RNF144A: variants seen among roughly 807,000 people sequenced by gnomAD.
RNF144A encodes E3 ubiquitin-protein ligase RNF144A.
Under a neutral mutation model 38.7 loss-of-function variants are expected in RNF144A, and 11 were observed. The observed-to-expected ratio is 0.28, with a 90% CI of 0.18 to 0.47. RNF144A has a LOEUF of 0.47. Ranked by LOEUF, RNF144A falls within the 20% of genes least tolerant of loss-of-function variation. The probability of loss-of-function intolerance (pLI) is 0.99; values close to 1 mark genes in which losing one functional copy is unlikely to be tolerated. For missense variants in RNF144A, 316 were observed against 377.2 expected, an observed-to-expected ratio of 0.84 and a Z score of 1.34; for synonymous variants, 149 against 143.9, an observed-to-expected ratio of 1.04 and a Z score of -0.25.
chr2:6,936,105 T>C (rs1192928090), intron 1 of RNF144A, among the ~76,000 whole-genome samples: 1 of 152,220 alleles, frequency 6.6e-6, no homozygotes, highest in South Asian at 2.1e-4. Context: ...CTGTTATTGC[T>C]TGTGCAGAGC....
chr2:6,926,823 T>G (rs1421246724), intron 1 of RNF144A, among the ~76,000 whole-genome samples: 1 of 152,246 alleles, frequency 6.6e-6, no homozygotes, highest in Non-Finnish European at 1.5e-5. Context: ...GTTTATTTAC[T>G]TTTGTTCTTT....
chr2:7,028,747 A>G (rs2103442938), intron 7 of RNF144A, among the ~76,000 whole-genome samples: 1 of 152,346 alleles, frequency 6.6e-6, no homozygotes, highest in South Asian at 2.1e-4. Flanking sequence ...GGAAGTGGAC[A>G]GAAATAGCTT....
chr2:6,980,006 A>G (rs1412336466), intron 2 of RNF144A, among the ~76,000 whole-genome samples: 1 of 152,192 alleles, frequency 6.6e-6, no homozygotes, highest in Non-Finnish European at 1.5e-5. Flanking sequence ...GAGAGAGCAC[A>G]TGCAAGAGAA....
chr2:6,958,363 C>A lies in RNF144A; in HGVS notation c.-12+17216C>A, dbSNP rs774511393. On this transcript the variant is annotated intron_variant, in intron 2 of 8. Transcript: ENST00000320892. This position sits in a 1 kb window ranked among gnomAD's most constrained non-coding sequence, Gnocchi z 4.5. ...GGCAAGCCTTCCTTGCTTTCCTCCC[C>A]GACACCCAGGTGACCACCCAGTTTG... Among the ~76,000 whole-genome samples, 4 of 152,198 alleles carry A rather than the reference C, an allele frequency of 2.6e-5. No individual in the cohort carries two copies. The highest frequency in any genetic ancestry group is 4.4e-5 in the Non-Finnish European group (3 of 68,042).
At chr2:7,071,405 C>T (rs76930232), downstream of RNF144A, among the ~76,000 whole-genome samples, 168 of 152,292 alleles carry the variant, frequency 1.1e-3, 1 homozygote, top group East Asian at 0.017. Flanking sequence ...GCCAGCAGCA[C>T]GCTCCTTCTT....
intron 2 of RNF144A, among the ~76,000 whole-genome samples, chr2:6,942,308 A>G (rs1666050794): frequency 6.6e-6 from 1 of 151,892 alleles, no homozygotes. Context: ...CCAGGATACC[A>G]TCTCAGAGGA....
intron 2 of RNF144A, among the ~76,000 whole-genome samples, chr2:6,964,560 G>C (rs1270157902): frequency 6.6e-6 from 1 of 152,074 alleles, no homozygotes; most frequent in Non-Finnish European, 1.5e-5. Context: ...GCAAAGACTT[G>C]GAACCAACCC....
At chr2:6,980,860 C>T (rs948431946) in intron 2 of RNF144A, among the ~76,000 whole-genome samples, 5 of 152,240 alleles carry the variant, frequency 3.3e-5, no homozygotes, top group African/African-American at 7.2e-5. Context: ...TCTGCCTGGA[C>T]ATTCAAGCAA....
chr2:7,008,201 C>A (rs1177473585), intron 3 of RNF144A, among the ~76,000 whole-genome samples: 3 of 152,258 alleles, frequency 2.0e-5, no homozygotes, highest in African/African-American at 7.2e-5. Context: ...CCGCCCAGAC[C>A]TCAGGACAGG....
chr2:6,973,659 A>G (rs1572306314), intron 2 of RNF144A, among the ~76,000 whole-genome samples: 2 of 152,232 alleles, frequency 1.3e-5, no homozygotes, highest in Admixed American at 1.3e-4. Flanking sequence ...CTTTGTTCCA[A>G]TATTTACTAG....
rs1389238466 is a variant in RNF144A, at chr2:7,040,202, A to G, written c.*442A>G. On this transcript the variant is annotated 3_prime_UTR_variant, in exon 9 of 9. Coordinates refer to ENST00000320892, the MANE Select transcript of RNF144A (RefSeq NM_014746.6). ...GCTTGAGAGAAGCACTCTGTTTATG[A>G]CAACTGTTTTTATTACTAATGGCAT... The G allele has an allele frequency of 1.0e-6, 1 of 987,490 alleles. No individual in the cohort carries two copies. Among genetic ancestry groups the G allele is most frequent in the African/African-American group, 1.7e-5 (1 of 57,324 alleles). 61.2% of individuals were successfully genotyped at this position (987,490 alleles called of 1,614,324 possible).
downstream of RNF144A, among the ~76,000 whole-genome samples, chr2:7,045,980 A>G (rs558367575): frequency 3.9e-5 from 6 of 152,250 alleles, no homozygotes; most frequent in African/African-American, 1.4e-4. Context: ...CTAGGTACAT[A>G]TATTTGTTTC....
downstream of RNF144A, among the ~76,000 whole-genome samples, chr2:7,045,581 T>C (rs1337777772): frequency 2.0e-5 from 3 of 152,206 alleles, no homozygotes; most frequent in Non-Finnish European, 4.4e-5. Flanking sequence ...CAAAGTCATA[T>C]TGGATTAGAG....
At chr2:7,046,524 G>A (rs1282603275), downstream of RNF144A, among the ~76,000 whole-genome samples, 2 of 152,216 alleles carry the variant, frequency 1.3e-5, no homozygotes, top group Non-Finnish European at 2.9e-5. Flanking sequence ...ATGAGGAAAT[G>A]ACAAGTAAAA....
chr2:7,053,443 G>C (rs879533063), intron 6 of RNF144A, among the ~76,000 whole-genome samples: 9 of 152,238 alleles, frequency 5.9e-5, no homozygotes, highest in Admixed American at 5.9e-4. Context: ...CAGCTGGGCT[G>C]TGTTTTCATC....
At chr2:7,013,712 G>A (rs751677148) in intron 3 of RNF144A, among the ~76,000 whole-genome samples, 1 of 152,196 alleles carries the variant, frequency 6.6e-6, no homozygotes. Context: ...TCTAAGACTA[G>A]TAGACTTTGT....
chr2:7,042,567 G>A lies in RNF144A; in HGVS notation c.*2807G>A. ...ACTGGCCTTAGCCCAGTGGACCTGT[G>A]GCTTCTCTGAGGCCCTTGAGTAACT... On this transcript the variant is annotated 3_prime_UTR_variant, in exon 9 of 9. Transcript: ENST00000320892. 1.0e-6 allele frequency: 1 copy of A among 985,526 alleles called. No individual in the cohort carries two copies. Among genetic ancestry groups the A allele is most frequent in the Non-Finnish European group, 1.2e-6 (1 of 830,016 alleles). The allele number at this position is 985,526 out of a possible 1,614,324, so 61.0% of individuals were successfully genotyped here. A position where few individuals can be genotyped will look rare whatever the true frequency, so the allele number is the denominator to read the frequency against.
downstream of RNF144A, among the ~76,000 whole-genome samples, chr2:7,068,693 CAG>C (rs1358592976): frequency 2.0e-5 from 3 of 152,122 alleles, no homozygotes; most frequent in South Asian, 4.1e-4. Flanking sequence ...AGTGAGGAAA[CAG>C]AAGTAGAACA....
intron 3 of RNF144A, among the ~76,000 whole-genome samples, chr2:7,004,443 T>C (rs537197736): frequency 2.6e-5 from 4 of 152,286 alleles, no homozygotes; most frequent in African/African-American, 9.6e-5. Flanking sequence ...GTAACTGGCT[T>C]AGAGTCTGGC....
Sources: allele counts gnomAD v4.1 joint callset (sites outside exome capture counted in the v4.1 genomes callset), GRCh38; gene constraint gnomAD v4.1.1; non-coding constraint Gnocchi (gnomAD v3.1); transcripts MANE v1.5; gene names NCBI Gene and HGNC (gene_info 2026-07-23, HGNC 2026-07-21).